Variants in CSMD2 observed in about 807,000 individuals in gnomAD.
The protein encoded by CSMD2 is CUB and Sushi multiple domains 2.
A neutral mutation model predicts 398.5 loss-of-function variants in CSMD2; 130 were observed. The ratio of observed to expected loss-of-function variants is 0.33; its 90% CI spans 0.28 to 0.38. CSMD2 has a LOEUF of 0.38. CSMD2 is among the 10% of genes least tolerant of loss of function. The probability of loss-of-function intolerance (pLI) is 1.00; values close to 1 mark genes in which losing one functional copy is unlikely to be tolerated. For synonymous variants in CSMD2, 1,828 were observed against 1,908.5 expected, an observed-to-expected ratio of 0.96 and a Z score of 1.10; for missense variants, 3,829 against 4,764.9, an observed-to-expected ratio of 0.80 and a Z score of 5.78.
chr1:33,813,781 T>C (rs1051567586), intron 9 of CSMD2, among the ~76,000 whole-genome samples: 1 of 152,170 alleles, frequency 6.6e-6, no homozygotes, highest in Non-Finnish European at 1.5e-5. Context: ...TCCTGTTCCA[T>C]GCTGCCTTCC....
intron 2 of CSMD2, among the ~76,000 whole-genome samples, chr1:34,078,517 A>G (rs1252522206): frequency 6.6e-6 from 1 of 152,194 alleles, no homozygotes; most frequent in Non-Finnish European, 1.5e-5. Flanking sequence ...ATGTTTCCGG[A>G]CCACGTAAGC....
chr1:33,950,900 G>A (rs1490787520), intron 3 of CSMD2, among the ~76,000 whole-genome samples: 1 of 152,224 alleles, frequency 6.6e-6, no homozygotes, highest in African/African-American at 2.4e-5. Context: ...AAGAGCTGCT[G>A]TTGACCTCAT....
At chr1:33,691,059 C>G (rs1469238707) in intron 25 of CSMD2, among the ~76,000 whole-genome samples, 2 of 152,104 alleles carry the variant, frequency 1.3e-5, no homozygotes, top group Non-Finnish European at 2.9e-5. Context: ...TAGATGTAAG[C>G]CTTTGGAGGG....
intron 3 of CSMD2, among the ~76,000 whole-genome samples, chr1:34,005,453 T>A (rs545225347): frequency 8.3e-6 from 1 of 119,834 alleles, no homozygotes; most frequent in East Asian, 2.1e-4. Context: ...TATTTATGAT[T>A]AGGTGTAACC....
chr1:34,123,647 G>A (rs776442241), intron 1 of CSMD2, among the ~76,000 whole-genome samples: 2 of 152,120 alleles, frequency 1.3e-5, no homozygotes, highest in Non-Finnish European at 2.9e-5. Flanking sequence ...CATGGGATGT[G>A]ACTCTATCAT....
chr1:33,875,959 T>C (rs543252410), intron 5 of CSMD2, among the ~76,000 whole-genome samples: 151 of 152,304 alleles, frequency 9.9e-4, no homozygotes, highest in South Asian at 3.9e-3. Flanking sequence ...AAATTGTTTA[T>C]GGTCAACAGG....
At chr1:33,898,860 G>A (rs564178011) in intron 5 of CSMD2, among the ~76,000 whole-genome samples, 8 of 152,298 alleles carry the variant, frequency 5.3e-5, no homozygotes, top group Non-Finnish European at 1.2e-4. Context: ...AAGGACACTT[G>A]CCCTCATGTG....
At chr1:33,820,583 A>G in intron 7 of CSMD2, 27 bp from the exon 8 acceptor site, 3 of 1,145,950 alleles carry the variant, frequency 2.6e-6, no homozygotes, top group Non-Finnish European at 2.6e-6. Context: ...AAAAAAAAAA[A>G]AAAAACAGCA....
rs773598887 is a variant in CSMD2, at chr1:33,846,894, G to A, written c.1023C>T (p.Ala341=). ...DGNHRQRGFS[A]QYQVKKQIEL... ...CTGGGACCTGCCTACCTTGGTATTGGGCACTGAATCCGCGCTGCCGGTGGT... is the reference window on the plus strand; with the variant it reads ...CTGGGACCTGCCTACCTTGGTATTGAGCACTGAATCCGCGCTGCCGGTGGT... Residue 341 remains alanine, a synonymous_variant, in exon 6 of 71, where the codon GCC becomes GCT. Transcript: ENST00000373381. 4 of 1,599,936 alleles carry A rather than the reference G, an allele frequency of 2.5e-6. No individual in the cohort carries two copies. The highest frequency in any genetic ancestry group is 8.5e-7 in the Non-Finnish European group (1 of 1,172,224).
rs758720958 is a variant in CSMD2 at position 33,820,576 on chromosome 1, A to AAC, written c.1112-21_1112-20insGT. ...GAGTTACTACAAGGCAAAAAAAAAAAAAAAAAAAAAAACAGCACACACAGA... is the reference window on the plus strand; with the variant it reads ...GAGTTACTACAAGGCAAAAAAAAAAAACAAAAAAAAAAAACAGCACACACAGA... On this transcript the variant is annotated intron_variant, in intron 7 of 70. Transcript: ENST00000373381. 7.5e-5 allele frequency: 88 copies of AAC among 1,175,718 alleles called. No individual in the cohort carries two copies. Among genetic ancestry groups the AAC allele is most frequent in the Middle Eastern group, 2.1e-4 (1 of 4,864 alleles). The allele number at this position is 1,175,718 out of a possible 1,614,324, so 72.8% of individuals were successfully genotyped here.
Position 33,600,358 on chromosome 1 carries a change from T to A in CSMD2, c.6856+507A>T, listed in dbSNP as rs1640131931. On this transcript the variant is annotated intron_variant, in intron 44 of 70. Coordinates refer to ENST00000373381, the MANE Select transcript of CSMD2 (RefSeq NM_001281956.2). ...AAAAATGAGGAAATATCCAGATCCC[T>A]AACTTGGGACTTGTAGAAGAAAACA... 1.4e-5 allele frequency: 8 copies of A among 585,566 alleles called. No homozygotes were observed. In the Admixed American group the frequency reaches 2.0e-4, roughly 15 times the overall value. The allele number at this position is 585,566 out of a possible 1,614,324, so 36.3% of individuals were successfully genotyped here. A position where few individuals can be genotyped will look rare whatever the true frequency, so the allele number is the denominator to read the frequency against.
intron 16 of CSMD2, among the ~76,000 whole-genome samples, chr1:33,726,186 C>T (rs1397641607): frequency 6.6e-6 from 1 of 152,120 alleles, no homozygotes; most frequent in Non-Finnish European, 1.5e-5. Context: ...GGCTGCCTTC[C>T]CACGTTGGAC....
intron 5 of CSMD2, among the ~76,000 whole-genome samples, chr1:33,898,929 G>C (rs116554482): frequency 0.019 from 2,924 of 152,314 alleles, 92 homozygotes; most frequent in African/African-American, 0.064. Flanking sequence ...CAAACAGACA[G>C]CAAACAGAAG....
intron 15 of CSMD2, among the ~76,000 whole-genome samples, chr1:33,737,239 C>T (rs578033186): frequency 2.7e-4 from 41 of 152,284 alleles, no homozygotes; most frequent in African/African-American, 9.9e-4. Flanking sequence ...TCCAAAAGTG[C>T]TGATTGCACT....
intron 3 of CSMD2, among the ~76,000 whole-genome samples, chr1:33,960,512 A>G (rs374771636): frequency 1.3e-5 from 2 of 152,352 alleles, no homozygotes; most frequent in East Asian, 1.9e-4. Context: ...GGGGACAGGG[A>G]CATTGATCAG....
At chr1:34,049,096 G>A (rs1652875513) in intron 2 of CSMD2, among the ~76,000 whole-genome samples, 1 of 152,198 alleles carries the variant, frequency 6.6e-6, no homozygotes, top group Non-Finnish European at 1.5e-5. Context: ...TGAGCCCACA[G>A]CTGTGAAGTG....
chr1:33,788,820 G>C, intron 11 of CSMD2, 108 bp from the exon 12 acceptor site: 1 of 710,716 alleles, frequency 1.4e-6, no homozygotes, highest in Non-Finnish European at 2.4e-6. Flanking sequence ...AGGCCCGCTC[G>C]GGCAAATTCT....
At position 34,006,036 on chromosome 1, in the gene CSMD2, C is replaced by T. The variant is rs566939662; in HGVS notation, c.517+26558G>A. On this transcript the variant is annotated intron_variant, in intron 3 of 70. Coordinates refer to ENST00000373381, the MANE Select transcript of CSMD2 (RefSeq NM_001281956.2). The stretch of plus-strand genomic sequence containing the variant: ...GGTCTGAACACATGGTTTTTGTCAA[C>T]CACAACCAATTGACTGATATTGGCA... Among the ~76,000 whole-genome samples the T allele has an allele frequency of 1.4e-4, 22 of 152,292 alleles. No individual in the cohort carries two copies. In the Middle Eastern group the frequency reaches 0.01, roughly 71 times the overall value.
At chr1:33,601,383 G>C (rs1188005121) in intron 43 of CSMD2, among the ~76,000 whole-genome samples, 1 of 152,090 alleles carries the variant, frequency 6.6e-6, no homozygotes, top group African/African-American at 2.4e-5. Flanking sequence ...ATGCATATCG[G>C]CTCCATGCTC....
Sources: gnomAD v4.1 joint callset for allele counts (sites outside exome capture counted in the v4.1 genomes callset) on GRCh38, gnomAD v4.1.1 for gene constraint, MANE v1.5 for transcripts, NCBI Gene and HGNC (gene_info 2026-07-23, HGNC 2026-07-21) for gene names.